The following ST7L variants were observed in gnomAD, a reference collection of about 807,000 sequenced individuals.
ST7L encodes the protein suppression of tumorigenicity 7 like, also known as suppressor of tumorigenicity 7 protein-like.
ST7L carries 57 observed loss-of-function variants against 72.5 expected under a neutral mutation model. The ratio of observed to expected loss-of-function variants is 0.79; its 90% CI spans 0.64 to 0.98. The LOEUF is 0.98. ST7L is among the 50% of genes least tolerant of loss of function. The pLI is 0.00. For missense variants in ST7L, 576 were observed against 672.2 expected (o/e 0.86, Z 1.58); for synonymous variants, 221 against 240.9 (o/e 0.92, Z 0.77).
chr1:112,559,520 C>T (rs141119938), intron 11 of ST7L, among the ~76,000 whole-genome samples: 3,042 of 151,794 alleles, frequency 0.02, 102 homozygotes, highest in African/African-American at 0.069. Flanking sequence ...GCATGAGCCA[C>T]CACGCCTGGC....
intron 14 of ST7L, chr1:112,529,296 G>C (rs1381710134): frequency 6.6e-6 from 1 of 152,144 alleles, no homozygotes; most frequent in Non-Finnish European, 1.5e-5. Flanking sequence ...GATAGCATTT[G>C]TTAGTATCAT....
At chr1:112,542,921 T>A (rs540075355) in intron 13 of ST7L, among the ~76,000 whole-genome samples, 2 of 152,164 alleles carry the variant, frequency 1.3e-5, no homozygotes, top group Admixed American at 1.3e-4. Flanking sequence ...TGCCTTAGCC[T>A]CCCAAGTAGC....
chr1:112,559,231 G>A (rs1659683615), intron 11 of ST7L, among the ~76,000 whole-genome samples: 1 of 152,096 alleles, frequency 6.6e-6, no homozygotes, highest in South Asian at 2.1e-4. Flanking sequence ...TCAATTTGAT[G>A]TGTCAAAAAA....
chr1:112,587,229 T>C (rs868548818), intron 6 of ST7L, among the ~76,000 whole-genome samples: 1 of 152,234 alleles, frequency 6.6e-6, no homozygotes, highest in South Asian at 2.1e-4. Flanking sequence ...TATGCTTTTA[T>C]GTATGTGGCT....
intron 5 of ST7L, among the ~76,000 whole-genome samples, chr1:112,594,494 T>C (rs571650884): frequency 6.6e-6 from 1 of 152,320 alleles, no homozygotes; most frequent in African/African-American, 2.4e-5. Flanking sequence ...CACCCCTCCC[T>C]ACTTACTATC....
At chr1:112,518,727 G>C (rs1406029669), downstream of ST7L, among the ~76,000 whole-genome samples, 1 of 152,126 alleles carries the variant, frequency 6.6e-6, no homozygotes, top group African/African-American at 2.4e-5. Flanking sequence ...AGTCAAATGT[G>C]TGTTCGTTTT....
Position 112,582,849 on chromosome 1 carries a change from CATAAATGATCTACT to C in ST7L, c.857-391_857-378del, listed in dbSNP as rs369304920. Among the ~76,000 whole-genome samples, 139 of 152,158 alleles carry C rather than the reference CATAAATGATCTACT, an allele frequency of 9.1e-4. 1 individual carries two copies. Among genetic ancestry groups the C allele is most frequent in the African/African-American group, 3.2e-3 (134 of 41,540 alleles). ...CATTAACCTAGTATTTAAGTTTGTG[CATAAATGATCTACT>C]ATTCTGATACTCTCTATTGTTTTAA... On this transcript the variant is annotated intron_variant, in intron 7 of 14. Transcript: ENST00000358039.
At chr1:112,617,954 A>C (rs1281200529) in intron 1 of ST7L, 34 of 1,294,356 alleles carry the variant, frequency 2.6e-5, no homozygotes, top group Non-Finnish European at 3.5e-5. Context: ...GTTATATTTG[A>C]ACTTGATACC....
chr1:112,619,431 C>G, upstream of ST7L: 1 of 545,862 alleles, frequency 1.8e-6, no homozygotes, highest in Admixed American at 3.5e-5. Context: ...GTTGGAAAAG[C>G]CACCGATCGT....
intron 5 of ST7L, among the ~76,000 whole-genome samples, chr1:112,596,486 T>C (rs947817006): frequency 6.6e-6 from 1 of 152,226 alleles, no homozygotes; most frequent in Non-Finnish European, 1.5e-5. Flanking sequence ...AAAATGGGGC[T>C]GATAATACCA....
At position 112,594,154 on chromosome 1, in the gene ST7L, C is replaced by A. The variant is rs6680732; in HGVS notation, c.623-2551G>T. On this transcript the variant is annotated intron_variant, in intron 5 of 14. Transcript: ENST00000358039. ...CTCTGGTTTCCCTATCCTACCTAAC[C>A]ACAATTCCTATACCTGCTCACTGCA... 5.1e-4 allele frequency among the ~76,000 whole-genome samples: 77 copies of A among 151,000 alleles called. No homozygotes were observed. In the Middle Eastern group the frequency reaches 0.01, roughly 20 times the overall value.
At chr1:112,557,821 C>T (rs1371622734) in intron 11 of ST7L, among the ~76,000 whole-genome samples, 7 of 152,174 alleles carry the variant, frequency 4.6e-5, no homozygotes, top group Non-Finnish European at 1.5e-5. Context: ...GAGCATACTG[C>T]AGGATACATT....
intron 3 of ST7L, among the ~76,000 whole-genome samples, chr1:112,606,860 A>G (rs1016467020): frequency 3.3e-5 from 5 of 152,298 alleles, no homozygotes; most frequent in East Asian, 1.9e-4. Context: ...AAAGCCATCA[A>G]TACTATCAGA....
intron 14 of ST7L, among the ~76,000 whole-genome samples, chr1:112,530,894 C>G (rs777727453): frequency 3.3e-5 from 5 of 152,152 alleles, no homozygotes; most frequent in Non-Finnish European, 7.3e-5. Flanking sequence ...CAGAATTGAT[C>G]AGCAAAACCC....
intron 11 of ST7L, chr1:112,571,157 G>A (rs1040829661): frequency 1.8e-5 from 7 of 379,618 alleles, no homozygotes; most frequent in South Asian, 6.1e-5. Flanking sequence ...ATGACAGAGC[G>A]AGACTGTCTC....
At chr1:112,543,868 CAAAAAAAA>C (rs11418345) in intron 13 of ST7L, among the ~76,000 whole-genome samples, 1 of 59,448 alleles carries the variant, frequency 1.7e-5, no homozygotes, top group Admixed American at 2.1e-4. Flanking sequence ...GACTCTATCT[CAAAAAAAA>C]AAAAAAAAAA....
At chr1:112,607,746 A>T (rs1668469619) in intron 3 of ST7L, 1 of 152,162 alleles carries the variant, frequency 6.6e-6, no homozygotes, top group Non-Finnish European at 1.5e-5. Context: ...ATTGGACGCC[A>T]TTAGAAGATT....
intron 8 of ST7L, 69 bp from the exon 9 acceptor site, chr1:112,582,175 A>G: frequency 2.5e-6 from 3 of 1,204,866 alleles, no homozygotes; most frequent in Non-Finnish European, 3.6e-6. Flanking sequence ...AGCCAGATTC[A>G]TTAAGTAGAA....
At chr1:112,537,066 G>A (rs1405857326) in intron 14 of ST7L, among the ~76,000 whole-genome samples, 1 of 151,936 alleles carries the variant, frequency 6.6e-6, no homozygotes, top group Admixed American at 6.6e-5. Flanking sequence ...CGCGATCTCG[G>A]CTCACTGCAA....
Sources: allele counts gnomAD v4.1 joint callset (sites outside exome capture counted in the v4.1 genomes callset), GRCh38; gene constraint gnomAD v4.1.1; transcripts MANE v1.5; gene names NCBI Gene and HGNC (gene_info 2026-07-23, HGNC 2026-07-21).